The following KAT6A variants were observed in gnomAD, a reference collection of about 807,000 sequenced individuals.
KAT6A encodes the protein histone acetyltransferase KAT6A.
In KAT6A, 9 loss-of-function variants were observed where a neutral mutation model predicts 198.4. The ratio of observed to expected loss-of-function variants is 0.05; its 90% CI spans 0.03 to 0.08. The LOEUF is 0.08. KAT6A is among the 10% of genes least tolerant of loss of function. KAT6A has a pLI of 1.00. For synonymous variants in KAT6A, 890 were observed against 883.0 expected (o/e 1.01, Z -0.14); for missense variants, 2,077 against 2,509.9 (o/e 0.83, Z 3.69).
chr8:41,952,323 C>A (rs113798273), intron 9 of KAT6A, among the ~76,000 whole-genome samples: 1 of 152,168 alleles, frequency 6.6e-6, no homozygotes, highest in Admixed American at 6.5e-5. Flanking sequence ...ACCTAGGAAT[C>A]TACCTCTTTA....
chr8:42,027,218 G>C (rs1281109078), intron 2 of KAT6A, among the ~76,000 whole-genome samples: 1 of 152,086 alleles, frequency 6.6e-6, no homozygotes, highest in Admixed American at 6.6e-5. Flanking sequence ...ATGTTCATCA[G>C]GACTATTGGC....
intron 2 of KAT6A, among the ~76,000 whole-genome samples, chr8:42,027,414 A>G (rs1472325059): frequency 6.6e-6 from 1 of 152,168 alleles, no homozygotes. Context: ...TTGAGAGGAA[A>G]GCCATCTGGT....
intron 2 of KAT6A, among the ~76,000 whole-genome samples, chr8:42,012,148 G>T (rs796973033): frequency 3.9e-5 from 6 of 152,222 alleles, no homozygotes; most frequent in Admixed American, 6.5e-5. Context: ...ATACATAGCT[G>T]GTAAGCATGC....
At chr8:42,026,961 A>G (rs1213673048) in intron 2 of KAT6A, among the ~76,000 whole-genome samples, 1 of 152,104 alleles carries the variant, frequency 6.6e-6, no homozygotes, top group Non-Finnish European at 1.5e-5. Context: ...ATTTGTTGAG[A>G]GGTTTTATCA....
chr8:41,933,432 G>T lies in KAT6A; in HGVS notation c.4788C>A (p.Ser1596Arg). The T allele has an allele frequency of 6.2e-7, 1 of 1,612,348 alleles. No homozygotes were observed. Residue 1596 changes from serine (S) to arginine (R), a missense_variant, in exon 17 of 17, where the codon AGC becomes AGA. Physicochemically the swap from Ser to Arg is moderately radical, Grantham distance 110. This residue lies in a region of KAT6A where 500 missense variants were observed against 577.2 expected (regional missense o/e 0.87). Transcript: ENST00000265713. The surrounding 1 kb of genome is among the most constrained non-coding windows in gnomAD (Gnocchi z 6.2). Reference sequence around the variant, plus strand: ...CCACACAGCTGCTCTGGGTGAGGCTGCTGGAGGACGACAGCCCACCGTAGG... The same window carrying T: ...CCACACAGCTGCTCTGGGTGAGGCTTCTGGAGGACGACAGCCCACCGTAGG... ...SCSYGGLSSS[S>R]SLTQSSCVVT... is the part of the protein sequence containing the mutation.
intron 8 of KAT6A, among the ~76,000 whole-genome samples, chr8:41,962,956 A>C (rs1028583452): frequency 3.3e-5 from 5 of 152,108 alleles, no homozygotes; most frequent in African/African-American, 1.2e-4. Context: ...TTTTTGCTAA[A>C]TGTCAGAGAG....
chr8:41,996,648 CT>C (rs1554691454), intron 2 of KAT6A, among the ~76,000 whole-genome samples: 2 of 152,140 alleles, frequency 1.3e-5, no homozygotes, highest in Non-Finnish European at 2.9e-5. Flanking sequence ...ATTTGGCCCC[CT>C]TTTCCTCTCT....
chr8:42,042,218 G>C (rs1409379797), intron 2 of KAT6A, among the ~76,000 whole-genome samples: 2 of 152,198 alleles, frequency 1.3e-5, no homozygotes, highest in East Asian at 3.8e-4. Context: ...CAGCACTCTG[G>C]GAGGCCGAGG....
Position 42,008,433 on chromosome 8 carries a change from G to A in KAT6A, c.601-20870C>T, listed in dbSNP as rs560485816. ...GCTCACTGCAACCTCTGCCTCCTGG[G>A]TTCAAGCGATTCTCCTGCCTCATCC... is the stretch of plus-strand genomic sequence containing the variant. On this transcript the variant is annotated intron_variant, in intron 2 of 16. Coordinates refer to ENST00000265713, the MANE Select transcript of KAT6A (RefSeq NM_006766.5). 1.6e-4 allele frequency among the ~76,000 whole-genome samples: 24 copies of A among 152,260 alleles called. No individual in the cohort carries two copies. The South Asian group carries it at 5.0e-3, about 32-fold the overall frequency.
chr8:41,983,044 A>G (rs920105000), intron 3 of KAT6A, among the ~76,000 whole-genome samples: 32 of 152,190 alleles, frequency 2.1e-4, no homozygotes, highest in African/African-American at 7.7e-4. Context: ...TGCAAGCTAA[A>G]ACTAAAACCA....
rs746300365 is a variant in KAT6A at position 41,931,691 on chromosome 8, T to C, written c.*514A>G. ...TTTAAGGAGCTTGGGTTGTTCTCCA[T>C]GTCCCCATCCGAGTCTCCCCTAAGT... On this transcript the variant is annotated 3_prime_UTR_variant, in exon 17 of 17. Coordinates refer to ENST00000265713, the MANE Select transcript of KAT6A (RefSeq NM_006766.5). 26 of 189,336 alleles carry C rather than the reference T, an allele frequency of 1.4e-4. No individual in the cohort carries two copies. The highest frequency in any genetic ancestry group is 2.6e-4 in the Non-Finnish European group (23 of 89,906). The allele number at this position is 189,336 out of a possible 1,614,324, so 11.7% of individuals were successfully genotyped here.
chr8:41,939,320 A>C (rs1821993799), intron 15 of KAT6A, among the ~76,000 whole-genome samples: 1 of 152,196 alleles, frequency 6.6e-6, no homozygotes, highest in Non-Finnish European at 1.5e-5. Flanking sequence ...ATCAAAGTTA[A>C]CTTCAATAGG....
chr8:42,015,591 T>C (rs887758802), intron 2 of KAT6A, among the ~76,000 whole-genome samples: 15 of 152,350 alleles, frequency 9.8e-5, no homozygotes, highest in Middle Eastern at 3.4e-3. Flanking sequence ...TTTCAATGTA[T>C]AGATAAATTT....
chr8:41,935,169 A>G (rs1211894667), intron 16 of KAT6A, among the ~76,000 whole-genome samples: 1 of 152,246 alleles, frequency 6.6e-6, no homozygotes, highest in African/African-American at 2.4e-5. Context: ...AAGTTACTCT[A>G]CATTTCAGTT....
chr8:42,043,594 G>C (rs1483663133), intron 2 of KAT6A: 2 of 152,086 alleles, frequency 1.3e-5, no homozygotes, highest in Non-Finnish European at 2.9e-5. Context: ...TTTCAAATCT[G>C]TTCTGCAAAA....
intron 2 of KAT6A, among the ~76,000 whole-genome samples, chr8:42,047,278 C>T (rs964735959): frequency 6.6e-6 from 1 of 152,174 alleles, no homozygotes; most frequent in South Asian, 2.1e-4. Context: ...ACAAAATTCT[C>T]CTAATCTCCA....
intron 2 of KAT6A, among the ~76,000 whole-genome samples, chr8:41,988,856 G>A (rs1275075480): frequency 6.6e-6 from 1 of 152,172 alleles, no homozygotes; most frequent in Non-Finnish European, 1.5e-5. Flanking sequence ...CCTCTCAACT[G>A]TTTATGCTAG....
intron 8 of KAT6A, among the ~76,000 whole-genome samples, chr8:41,965,970 T>C (rs572393215): frequency 2.6e-4 from 39 of 152,314 alleles, no homozygotes; most frequent in South Asian, 6.2e-4. Flanking sequence ...TTTTAGTTCA[T>C]TGGATAATTT....
At position 41,932,188 on chromosome 8, in the gene KAT6A, T is replaced by C. The variant is rs376166628; in HGVS notation, c.*17A>G. 1.6e-5 allele frequency: 24 copies of C among 1,526,956 alleles called. No homozygotes were observed. In the African/African-American group the frequency reaches 2.8e-4, roughly 18 times the overall value. The allele number at this position is 1,526,956 out of a possible 1,614,324, so 94.6% of individuals were successfully genotyped here. On this transcript the variant is annotated 3_prime_UTR_variant, in exon 17 of 17. Transcript: ENST00000265713. ...TATTTATATATATTTAAGTTTTTGA[T>C]TGCAAGTTCATCTTGCTCATCTTCT...
Sources: gnomAD v4.1 joint callset for allele counts (sites outside exome capture counted in the v4.1 genomes callset) on GRCh38, gnomAD v4.1.1 for gene constraint, gnomAD v4.1.1 regional missense constraint, Gnocchi (gnomAD v3.1) non-coding constraint, MANE v1.5 for transcripts, NCBI Gene and HGNC (gene_info 2026-07-23, HGNC 2026-07-21) for gene names.